The following SUSD4 variants were observed in gnomAD, a reference collection of about 807,000 sequenced individuals.
SUSD4 encodes sushi domain-containing protein 4.
In SUSD4, 41 loss-of-function variants were observed where a neutral mutation model predicts 50.5. The observed-to-expected ratio is 0.81, with a 90% CI of 0.63 to 1.05. SUSD4 has a LOEUF of 1.05. SUSD4 is among the 50% of genes least tolerant of loss of function. The pLI is 0.00. For synonymous variants in SUSD4, 257 were observed against 257.3 expected, an observed-to-expected ratio of 1.00 and a Z score of 0.01; for missense variants, 580 against 634.7, an observed-to-expected ratio of 0.91 and a Z score of 0.93.
intron 2 of SUSD4, among the ~76,000 whole-genome samples, chr1:223,335,878 T>C (rs745436281): frequency 8.5e-5 from 13 of 152,134 alleles, no homozygotes; most frequent in Non-Finnish European, 1.9e-4. Context: ...ACTTGACAAA[T>C]AGGAAATGGT....
Position 223,299,772 on chromosome 1 carries a change from CTT to C in SUSD4, c.149-7123_149-7122del, listed in dbSNP as rs1399137922. The stretch of plus-strand genomic sequence containing the variant: ...AAATAGCTGAGTAAGGGAGAATTCT[CTT>C]CTCTCTGCCTGACTGTCTTCAAGGA... On this transcript the variant is annotated intron_variant, in intron 2 of 8. Transcript: ENST00000366878. Among the ~76,000 whole-genome samples, 4 of 152,182 alleles carry C rather than the reference CTT, an allele frequency of 2.6e-5. No individual in the cohort carries two copies. The East Asian group carries it at 7.7e-4, about 29-fold the overall frequency.
intron 5 of SUSD4, among the ~76,000 whole-genome samples, chr1:223,248,791 G>T (rs1044630124): frequency 6.6e-6 from 1 of 152,040 alleles, no homozygotes; most frequent in African/African-American, 2.4e-5. Flanking sequence ...GAGTCACTAC[G>T]TTAGGATGTC....
Position 223,229,429 on chromosome 1 carries a change from C to T in SUSD4, c.725-41G>A, listed in dbSNP as rs748140813. 2.6e-6 allele frequency: 4 copies of T among 1,546,156 alleles called. No homozygotes were observed. The highest frequency in any genetic ancestry group is 1.8e-5 in the Admixed American group (1 of 56,960). ...AGAATAAAAGTTTCAGAACCACAAGCTCACCTTTGTCTGAAGCCCCTAAGA... is the reference window on the plus strand; with the variant it reads ...AGAATAAAAGTTTCAGAACCACAAGTTCACCTTTGTCTGAAGCCCCTAAGA... On this transcript the variant is annotated intron_variant, in intron 5 of 8. Coordinates refer to ENST00000366878, the MANE Select transcript of SUSD4 (RefSeq NM_017982.4). This position sits in a 1 kb window ranked among gnomAD's most constrained non-coding sequence, Gnocchi z 4.7.
chr1:223,314,112 CA>C (rs1174483365), intron 2 of SUSD4, among the ~76,000 whole-genome samples: 1 of 152,152 alleles, frequency 6.6e-6, no homozygotes, highest in African/African-American at 2.4e-5. Flanking sequence ...GGATTTGCCT[CA>C]AATTCTTTCT....
intron 3 of SUSD4, among the ~76,000 whole-genome samples, chr1:223,282,054 A>C (rs1663780907): frequency 6.6e-6 from 1 of 152,080 alleles, no homozygotes; most frequent in South Asian, 2.1e-4. Context: ...CATGCTAAAA[A>C]CTCTCAATAA....
intron 5 of SUSD4, among the ~76,000 whole-genome samples, chr1:223,261,513 TA>T (rs1416262777): frequency 2.6e-5 from 4 of 152,120 alleles, no homozygotes; most frequent in Non-Finnish European, 5.9e-5. Context: ...CAAATGGCAT[TA>T]AAAGTTAAGA....
intron 2 of SUSD4, among the ~76,000 whole-genome samples, chr1:223,353,423 C>A (rs1462421331): frequency 6.6e-6 from 1 of 152,140 alleles, no homozygotes; most frequent in Non-Finnish European, 1.5e-5. Context: ...TCTGACACTG[C>A]CTCCTGTATA....
At chr1:223,259,991 T>A (rs1432802896) in intron 5 of SUSD4, among the ~76,000 whole-genome samples, 1 of 152,094 alleles carries the variant, frequency 6.6e-6, no homozygotes, top group African/African-American at 2.4e-5. Context: ...AAGGCTCAAG[T>A]GGAGACAGAA....
intron 5 of SUSD4, among the ~76,000 whole-genome samples, chr1:223,238,229 T>C (rs922267234): frequency 2.6e-5 from 4 of 152,022 alleles, no homozygotes; most frequent in African/African-American, 9.7e-5. Flanking sequence ...ATTTATGTTC[T>C]TTCTCTTTTT....
At chr1:223,281,001 G>A (rs1048465036) in intron 3 of SUSD4, among the ~76,000 whole-genome samples, 1 of 152,136 alleles carries the variant, frequency 6.6e-6, no homozygotes, top group Non-Finnish European at 1.5e-5. Flanking sequence ...GTTACATAAC[G>A]AAATGAAGGC....
Position 223,231,435 on chromosome 1 carries a change from C to A in SUSD4, c.725-2047G>T, listed in dbSNP as rs188516168. Among the ~76,000 whole-genome samples, 5 of 152,246 alleles carry A rather than the reference C, an allele frequency of 3.3e-5. No individual in the cohort carries two copies. The highest frequency in any genetic ancestry group is 1.2e-4 in the African/African-American group (5 of 41,554). ...ACAGGTGGACACTGGCAGAGACAGGCTTTGAGCTCTGACTCTGAGGCCCAG... is the reference window on the plus strand; with the variant it reads ...ACAGGTGGACACTGGCAGAGACAGGATTTGAGCTCTGACTCTGAGGCCCAG... On this transcript the variant is annotated intron_variant, in intron 5 of 8. Coordinates refer to ENST00000366878, the MANE Select transcript of SUSD4 (RefSeq NM_017982.4). The surrounding 1 kb of genome is among the most constrained non-coding windows in gnomAD (Gnocchi z 4.2).
Position 223,229,223 on chromosome 1 carries a change from G to T in SUSD4, c.890C>A (p.Ser297Tyr), listed in dbSNP as rs371388247. Residue 297 changes from serine (S) to tyrosine (Y), a missense_variant, in exon 6 of 9, where the codon TCT becomes TAT. Ser to Tyr is a moderately radical substitution (Grantham distance 144, BLOSUM62 -2). Coordinates refer to ENST00000366878, the MANE Select transcript of SUSD4 (RefSeq NM_017982.4). The surrounding 1 kb of genome is among the most constrained non-coding windows in gnomAD (Gnocchi z 4.7). ...TGATTTGATGCAGTAGACTTGATAA[G>T]AAGGAAACCACTCTCCATACTGGCA... ...ITCQYGEWFP[S>Y]YQVYCIKSEQ... 4 of 1,608,198 alleles carry T rather than the reference G, an allele frequency of 2.5e-6. No individual in the cohort carries two copies. The highest frequency in any genetic ancestry group is 1.1e-5 in the South Asian group (1 of 90,942).
chr1:223,346,812 T>A (rs1668058763), intron 2 of SUSD4, among the ~76,000 whole-genome samples: 1 of 152,250 alleles, frequency 6.6e-6, no homozygotes, highest in South Asian at 2.1e-4. Flanking sequence ...CTATTGTTAC[T>A]ACATTTCTTG....
In SUSD4 at chr1:223,363,313, A is replaced by C; in HGVS notation, c.113T>G (p.Leu38Arg). Reference sequence around the variant, plus strand: ...CTGTGCAGGGCCGAAGCACAGCGCCAGCTGAAACCACAGGATCACGGCCAA... The same window carrying C: ...CTGTGCAGGGCCGAAGCACAGCGCCCGCTGAAACCACAGGATCACGGCCAA... Reference protein sequence around the residue: ...RLLAVILWFQLALCFGPAQLT... With the variant: ...RLLAVILWFQRALCFGPAQLT... The change falls in exon 2 of 9, where the codon CTG becomes CGG. Residue 38 changes from leucine (L) to arginine (R), a missense_variant. Coordinates refer to ENST00000366878, the MANE Select transcript of SUSD4 (RefSeq NM_017982.4). 6.2e-7 allele frequency: 1 copy of C among 1,610,758 alleles called. No individual in the cohort carries two copies. Among genetic ancestry groups the C allele is most frequent in the South Asian group, 1.1e-5 (1 of 89,942 alleles).
intron 5 of SUSD4, among the ~76,000 whole-genome samples, chr1:223,261,436 C>CCA (rs1437289993): frequency 1.3e-5 from 2 of 152,054 alleles, no homozygotes; most frequent in Non-Finnish European, 2.9e-5. Context: ...TGTGACTGAG[C>CCA]AAGTTACTGA....
intron 2 of SUSD4, among the ~76,000 whole-genome samples, chr1:223,304,826 A>G (rs1205177165): frequency 4.3e-5 from 2 of 46,286 alleles, no homozygotes; most frequent in Non-Finnish European, 5.6e-5. Context: ...ATATATATAT[A>G]TATATATATA....
chr1:223,323,211 A>T (rs2103251954), intron 2 of SUSD4, among the ~76,000 whole-genome samples: 1 of 151,180 alleles, frequency 6.6e-6, no homozygotes, highest in Non-Finnish European at 1.5e-5. Flanking sequence ...AGGGGGATGG[A>T]AGGAAAGAGG....
At chr1:223,261,309 C>T (rs908263238) in intron 5 of SUSD4, among the ~76,000 whole-genome samples, 4 of 152,232 alleles carry the variant, frequency 2.6e-5, no homozygotes, top group Admixed American at 2.6e-4. Flanking sequence ...AATTGCTTTC[C>T]CCCTGTTAGA....
At chr1:223,280,154 G>A (rs1282603529) in intron 3 of SUSD4, among the ~76,000 whole-genome samples, 3 of 152,150 alleles carry the variant, frequency 2.0e-5, no homozygotes, top group Non-Finnish European at 2.9e-5. Context: ...AAAGACCATC[G>A]ATGCTAGGAA....
Sources: allele counts gnomAD v4.1 joint callset (sites outside exome capture counted in the v4.1 genomes callset), GRCh38; gene constraint gnomAD v4.1.1; non-coding constraint Gnocchi (gnomAD v3.1); transcripts MANE v1.5; gene names NCBI Gene and HGNC (gene_info 2026-07-23, HGNC 2026-07-21).